MRPS28: variants seen among roughly 807,000 people sequenced by gnomAD.
The protein encoded by MRPS28 is mitochondrial ribosomal protein S28.
A neutral mutation model predicts 10.8 loss-of-function variants in MRPS28; 7 were observed. That is an observed-to-expected ratio of 0.65 (90% CI 0.37 to 1.22). The LOEUF (loss-of-function observed/expected upper bound fraction) is 1.22, where lower values mean the gene tolerates loss of function less well. Among genes scored for constraint, MRPS28 ranks in the 50% most tolerant of loss-of-function variants. MRPS28 has a pLI of 0.02. For missense variants in MRPS28, 265 were observed against 232.9 expected (o/e 1.14, Z -0.90); for synonymous variants, 121 against 93.3 (o/e 1.30, Z -1.71).
intron 2 of MRPS28, among the ~76,000 whole-genome samples, chr8:79,988,279 G>C (rs1452149581): frequency 8.9e-6 from 1 of 111,766 alleles, no homozygotes; most frequent in Non-Finnish European, 1.7e-5. Flanking sequence ...TCGTGGGGTG[G>C]GGGGAGGGGG....
chr8:79,921,397 C>T (rs1422857269), intron 2 of MRPS28, among the ~76,000 whole-genome samples: 3 of 152,104 alleles, frequency 2.0e-5, no homozygotes, highest in East Asian at 3.9e-4. Context: ...GCCATTTTCA[C>T]CATATTGATT....
chr8:79,995,868 T>C (rs555322230), intron 2 of MRPS28, among the ~76,000 whole-genome samples: 4 of 152,248 alleles, frequency 2.6e-5, no homozygotes, highest in African/African-American at 9.6e-5. Flanking sequence ...AGTATAGGCA[T>C]ACTGGAAGAG....
intron 2 of MRPS28, among the ~76,000 whole-genome samples, chr8:79,997,924 A>T (rs1278922672): frequency 6.6e-6 from 1 of 151,970 alleles, no homozygotes; most frequent in Non-Finnish European, 1.5e-5. Flanking sequence ...GCATGGTGGC[A>T]CATGCCTGTA....
At chr8:79,937,184 G>A (rs905736499) in intron 2 of MRPS28, among the ~76,000 whole-genome samples, 4 of 152,082 alleles carry the variant, frequency 2.6e-5, no homozygotes, top group African/African-American at 4.8e-5. Context: ...GTTTTATAAT[G>A]AGAAAAAACT....
chr8:79,960,450 T>C (rs1409688748), intron 2 of MRPS28, among the ~76,000 whole-genome samples: 1 of 152,134 alleles, frequency 6.6e-6, no homozygotes, highest in Non-Finnish European at 1.5e-5. Context: ...CACTTCGATA[T>C]GCTTTCACTT....
rs1419260352 is a variant in MRPS28, at chr8:80,008,868, A to G, written c.214-5688T>C. ...CAACCATTGTGGAAGACAGTGTGGC[A>G]ATTCCTCAAGGATCTAGAACTAGAA... is the stretch of plus-strand genomic sequence containing the variant. On this transcript the variant is annotated intron_variant, in intron 1 of 2. Coordinates refer to ENST00000276585, the MANE Select transcript of MRPS28 (RefSeq NM_014018.3). 4.6e-5 allele frequency among the ~76,000 whole-genome samples: 7 copies of G among 152,174 alleles called. No individual in the cohort carries two copies. In the East Asian group the frequency reaches 1.2e-3, roughly 25 times the overall value.
intron 2 of MRPS28, among the ~76,000 whole-genome samples, chr8:79,964,291 T>C (rs2130015890): frequency 6.6e-6 from 1 of 152,226 alleles, no homozygotes; most frequent in African/African-American, 2.4e-5. Flanking sequence ...CATCTCTCTT[T>C]AGGCCCACTT....
At chr8:79,919,862 T>C (rs1035109157) in intron 2 of MRPS28, among the ~76,000 whole-genome samples, 3 of 152,124 alleles carry the variant, frequency 2.0e-5, no homozygotes, top group East Asian at 1.9e-4. Context: ...GTTTGTTACA[T>C]ATGTATACAT....
intron 1 of MRPS28, among the ~76,000 whole-genome samples, chr8:80,011,281 G>A (rs1809039997): frequency 6.6e-6 from 1 of 151,780 alleles, no homozygotes; most frequent in South Asian, 2.1e-4. Flanking sequence ...CAACTTGGGG[G>A]TCTCTGCTTG....
chr8:79,955,645 G>A (rs1807187105), intron 2 of MRPS28, among the ~76,000 whole-genome samples: 1 of 152,024 alleles, frequency 6.6e-6, no homozygotes. Flanking sequence ...TATTTTTATG[G>A]CAGTATTCCA....
At position 79,978,894 on chromosome 8, in the gene MRPS28, AT is replaced by A. The variant is rs57164968; in HGVS notation, c.395+24104del. Among the ~76,000 whole-genome samples the A allele has an allele frequency of 1.7e-3, 262 of 152,074 alleles. 1 individual carries two copies. Among genetic ancestry groups the A allele is most frequent in the African/African-American group, 2.9e-3 (122 of 41,510 alleles). The stretch of plus-strand genomic sequence containing the variant: ...CAAGAACATATTACTTTAATGATGT[AT>A]TTTTTTTCACTATTGAAAGTTGAAA... On this transcript the variant is annotated intron_variant, in intron 2 of 2. Transcript: ENST00000276585.
intron 2 of MRPS28, among the ~76,000 whole-genome samples, chr8:79,928,132 T>TG (rs1563518344): frequency 2.6e-5 from 4 of 151,930 alleles, no homozygotes; most frequent in Admixed American, 6.6e-5. Context: ...GAAATCAGCC[T>TG]GGTCAACACA....
intron 1 of MRPS28, among the ~76,000 whole-genome samples, chr8:80,006,252 A>G (rs1284437337): frequency 1.3e-5 from 2 of 152,246 alleles, no homozygotes; most frequent in Admixed American, 6.5e-5. Context: ...ACTCCTCAGC[A>G]AATGTAAAAA....
chr8:79,931,259 G>A (rs1806453535), intron 2 of MRPS28, among the ~76,000 whole-genome samples: 1 of 152,074 alleles, frequency 6.6e-6, no homozygotes, highest in African/African-American at 2.4e-5. Context: ...ATTTTATAGA[G>A]GTTATCTGCA....
chr8:79,942,922 GT>G (rs957408196), intron 2 of MRPS28, among the ~76,000 whole-genome samples: 3 of 152,152 alleles, frequency 2.0e-5, no homozygotes. Flanking sequence ...TTAAAAAAAG[GT>G]TGAAGCAAAT....
chr8:79,952,001 T>C (rs958067177), intron 2 of MRPS28, among the ~76,000 whole-genome samples: 4 of 152,202 alleles, frequency 2.6e-5, no homozygotes, highest in Admixed American at 1.3e-4. Flanking sequence ...TTTCTGTCAA[T>C]TGCAACTGAA....
At chr8:79,946,187 A>G (rs893528522) in intron 2 of MRPS28, among the ~76,000 whole-genome samples, 1 of 152,114 alleles carries the variant, frequency 6.6e-6, no homozygotes, top group African/African-American at 2.4e-5. Context: ...TACATCCCCA[A>G]TGTCACTGCC....
At chr8:79,941,526 A>G (rs1586047994) in intron 2 of MRPS28, among the ~76,000 whole-genome samples, 1 of 152,352 alleles carries the variant, frequency 6.6e-6, no homozygotes, top group Non-Finnish European at 1.5e-5. Context: ...AAAGTATAGT[A>G]TAAAAATTAT....
intron 2 of MRPS28, among the ~76,000 whole-genome samples, chr8:79,923,962 T>C (rs751077334): frequency 5.3e-5 from 8 of 152,248 alleles, no homozygotes; most frequent in Non-Finnish European, 1.0e-4. Flanking sequence ...TTCTTTAACA[T>C]CTGTCAGTGC....
Sources: gnomAD v4.1 joint callset for allele counts (sites outside exome capture counted in the v4.1 genomes callset) on GRCh38, gnomAD v4.1.1 for gene constraint, MANE v1.5 for transcripts, NCBI Gene and HGNC (gene_info 2026-07-23, HGNC 2026-07-21) for gene names.